Variants in CD6 observed in about 807,000 individuals in gnomAD.
CD6 encodes the protein T-cell differentiation antigen CD6.
CD6 carries 53 observed loss-of-function variants against 75.3 expected under a neutral mutation model. The ratio of observed to expected loss-of-function variants is 0.70; its 90% CI spans 0.56 to 0.88. The LOEUF (loss-of-function observed/expected upper bound fraction) is 0.88. Among genes scored for constraint, CD6 ranks in the 40% least tolerant of loss-of-function variants. The pLI is 0.00. For missense variants in CD6, 770 were observed against 897.1 expected (o/e 0.86, Z 1.81); for synonymous variants, 359 against 381.5 (o/e 0.94, Z 0.69).
intron 5 of CD6, 25 bp downstream of exon 5, chr11:61,009,899 CA>C: frequency 3.3e-6 from 5 of 1,520,716 alleles, no homozygotes; most frequent in Non-Finnish European, 4.4e-6. Flanking sequence ...TCCACCCCCC[CA>C]GATTTGAGCC....
chr11:61,016,147 G>T (rs540100555), intron 9 of CD6, among the ~76,000 whole-genome samples: 1 of 152,334 alleles, frequency 6.6e-6, no homozygotes, highest in African/African-American at 2.4e-5. Flanking sequence ...CTGTGTGAGA[G>T]CGGGGGAGTG....
intron 1 of CD6, chr11:60,989,447 C>T (rs1857969678): frequency 6.6e-6 from 1 of 152,466 alleles, no homozygotes. Context: ...ACTCACCAGC[C>T]CCACCACTTG....
Position 61,013,900 on chromosome 11 carries a change from T to G in CD6, c.1292-19T>G. 6.4e-7 allele frequency: 1 copy of G among 1,566,292 alleles called. No homozygotes were observed. Among genetic ancestry groups the G allele is most frequent in the Non-Finnish European group, 8.7e-7 (1 of 1,150,710 alleles). On this transcript the variant is annotated intron_variant, in intron 7 of 12. Coordinates refer to ENST00000313421, the MANE Select transcript of CD6 (RefSeq NM_006725.5). ...GGGCAAAAAAATGACTTGTAGAATTTCTGCCTCCCCTCCCTCAGCCCTCCC... is the reference window on the plus strand; with the variant it reads ...GGGCAAAAAAATGACTTGTAGAATTGCTGCCTCCCCTCCCTCAGCCCTCCC...
chr11:60,991,619 G>A (rs1394748907), intron 1 of CD6, among the ~76,000 whole-genome samples: 2 of 151,834 alleles, frequency 1.3e-5, no homozygotes, highest in Admixed American at 6.6e-5. Context: ...ATTTGCCATG[G>A]GCCAGGTATT....
At chr11:60,991,419 C>G (rs1419006687) in intron 1 of CD6, among the ~76,000 whole-genome samples, 1 of 152,094 alleles carries the variant, frequency 6.6e-6, no homozygotes, top group Non-Finnish European at 1.5e-5. Flanking sequence ...TCCCAAAGTG[C>G]TGTGATTACA....
Position 61,007,692 on chromosome 11 carries a change from G to T in CD6, c.251G>T (p.Arg84Leu). The part of the protein sequence containing the change: ...WDSRAAEAVC[R>L]ALGCGGAEAA... ...AGCCGCGCCGCCGAGGCCGTGTGCC[G>T]AGCACTGGGCTGCGGCGGGGCGGAG... The change falls in exon 3 of 13, where the codon CGA becomes CTA. Residue 84 changes from arginine (R) to leucine (L), a missense_variant. Arg to Leu is a moderately radical substitution (Grantham distance 102, BLOSUM62 -2). Coordinates refer to ENST00000313421, the MANE Select transcript of CD6 (RefSeq NM_006725.5). This position sits in a 1 kb window ranked among gnomAD's most constrained non-coding sequence, Gnocchi z 4.2. 7.1e-7 allele frequency: 1 copy of T among 1,413,942 alleles called. No homozygotes were observed. Among genetic ancestry groups the T allele is most frequent in the Non-Finnish European group, 9.2e-7 (1 of 1,084,362 alleles). 87.6% of individuals were successfully genotyped at this position (1,413,942 alleles called of 1,614,324 possible).
At chr11:61,003,597 C>T (rs772278108) in intron 1 of CD6, among the ~76,000 whole-genome samples, 4 of 152,022 alleles carry the variant, frequency 2.6e-5, no homozygotes, top group Admixed American at 6.6e-5. Context: ...TAGCCAGCAT[C>T]GTGGCAAGCG....
At chr11:60,978,419 C>T (rs1180413493) in intron 1 of CD6, among the ~76,000 whole-genome samples, 1 of 152,108 alleles carries the variant, frequency 6.6e-6, no homozygotes, top group Non-Finnish European at 1.5e-5. Flanking sequence ...GAATCTAGGC[C>T]CCTGCAGCCT....
At chr11:60,987,360 C>T (rs939635758) in intron 1 of CD6, among the ~76,000 whole-genome samples, 1 of 152,210 alleles carries the variant, frequency 6.6e-6, no homozygotes, top group African/African-American at 2.4e-5. Flanking sequence ...TCTGTGAGGA[C>T]AACAGTCATA....
chr11:61,013,230 T>C (rs1168258065), intron 6 of CD6, among the ~76,000 whole-genome samples, 193 bp from the exon 7 acceptor site: 1 of 152,206 alleles, frequency 6.6e-6, no homozygotes, highest in Non-Finnish European at 1.5e-5. Context: ...CAATTGCTCA[T>C]GCATTCAATA....
chr11:60,980,705 T>TG (rs1164216687), intron 1 of CD6, among the ~76,000 whole-genome samples: 2 of 151,646 alleles, frequency 1.3e-5, no homozygotes, highest in African/African-American at 2.4e-5. Context: ...GTTCGGGGGA[T>TG]GGGGGGCACC....
In CD6 at chr11:61,013,951, C is replaced by T. The variant is rs747958938; in HGVS notation, c.1324C>T (p.Pro442Ser). The T allele has an allele frequency of 6.2e-7, 1 of 1,613,580 alleles. No homozygotes were observed. Among genetic ancestry groups the T allele is most frequent in the Non-Finnish European group, 8.5e-7 (1 of 1,179,792 alleles). Reference protein sequence around the residue: ...LPVMVNHQHLPTTIPAGSNSY... With the variant: ...LPVMVNHQHLSTTIPAGSNSY... ...CGTAATGGTGAACCACCAGCACCTACCCACCACCATCCCGGCAGGGAGCAA... is the reference window on the plus strand; with the variant it reads ...CGTAATGGTGAACCACCAGCACCTATCCACCACCATCCCGGCAGGGAGCAA... Residue 442 changes from proline to serine, a missense_variant, in exon 8 of 13, where the codon CCC becomes TCC. Physicochemically the swap from Pro to Ser is moderately conservative, Grantham distance 74 (BLOSUM62 -1). Coordinates refer to ENST00000313421, the MANE Select transcript of CD6 (RefSeq NM_006725.5).
chr11:61,007,890 G>T lies in CD6; in HGVS notation c.449G>T (p.Arg150Leu), dbSNP rs1370260158. 4 of 1,370,784 alleles carry T rather than the reference G, an allele frequency of 2.9e-6. No individual in the cohort carries two copies. Among genetic ancestry groups the T allele is most frequent in the Non-Finnish European group, 2.8e-6 (3 of 1,067,208 alleles). The allele number at this position is 1,370,784 out of a possible 1,614,324, so 84.9% of individuals were successfully genotyped here. A position where few individuals can be genotyped will look rare whatever the true frequency, so the allele number is the denominator to read the frequency against. The change falls in exon 3 of 13, where the codon CGG (arginine) becomes CTG (leucine). Residue 150 changes from arginine to leucine, a missense_variant. Coordinates refer to ENST00000313421, the MANE Select transcript of CD6 (RefSeq NM_006725.5). This position sits in a 1 kb window ranked among gnomAD's most constrained non-coding sequence, Gnocchi z 4.2. Reference sequence around the variant, plus strand: ...CACGCGTGCCGCAGCGACGGGAGGCGGGCCCGTGTCACCTGTGCAGGTACG... The same window carrying T: ...CACGCGTGCCGCAGCGACGGGAGGCTGGCCCGTGTCACCTGTGCAGGTACG... Reference protein sequence around the residue: ...VEHACRSDGRRARVTCAENRA... With the variant: ...VEHACRSDGRLARVTCAENRA...
At chr11:60,975,783 G>A (rs180971719) in intron 1 of CD6, among the ~76,000 whole-genome samples, 84 of 152,318 alleles carry the variant, frequency 5.5e-4, no homozygotes, top group African/African-American at 1.9e-3. Context: ...CAGTCTGGGC[G>A]ATGAAGGAGA....
intron 1 of CD6, among the ~76,000 whole-genome samples, chr11:61,000,980 G>A (rs576456937): frequency 3.9e-5 from 6 of 152,062 alleles, no homozygotes; most frequent in South Asian, 2.1e-4. Flanking sequence ...GAAACCAGCC[G>A]CTCCCCTCCA....
In CD6 at chr11:61,019,296, A is replaced by G; in HGVS notation, c.1985A>G (p.Tyr662Cys). The G allele has an allele frequency of 6.2e-7, 1 of 1,610,358 alleles. No homozygotes were observed. The highest frequency in any genetic ancestry group is 8.5e-7 in the Non-Finnish European group (1 of 1,179,820). ...CCTGACTCCACCGACAACGATGACT[A>G]CGATGACATCAGCGCAGCCTAGGCC... ...PQPDSTDNDD[Y>C]DDISAA Residue 662 changes from tyrosine (Y) to cysteine (C), a missense_variant, in exon 13 of 13, where the codon TAC (tyrosine) becomes TGC (cysteine). Tyr to Cys is a radical substitution (Grantham distance 194). Coordinates refer to ENST00000313421, the MANE Select transcript of CD6 (RefSeq NM_006725.5).
intron 2 of CD6, 150 bp downstream of exon 2, chr11:61,006,792 C>T (rs999554226): frequency 4.5e-6 from 3 of 669,716 alleles, no homozygotes. Context: ...TGAAGTTCCA[C>T]TATCAATTCA....
intron 1 of CD6, among the ~76,000 whole-genome samples, chr11:60,973,752 G>A (rs887637341): frequency 2.0e-5 from 3 of 152,152 alleles, no homozygotes; most frequent in Admixed American, 1.3e-4. Flanking sequence ...AAAACACCGT[G>A]GGCAGGGAAT....
At chr11:60,993,499 G>A (rs929230) in intron 1 of CD6, among the ~76,000 whole-genome samples, 23,764 of 151,452 alleles carry the variant, frequency 0.16, 2,605 homozygotes, top group Middle Eastern at 0.3. Context: ...CATATACCGC[G>A]TCCTAAGCGT....
Sources: allele counts gnomAD v4.1 joint callset (sites outside exome capture counted in the v4.1 genomes callset), GRCh38; gene constraint gnomAD v4.1.1; non-coding constraint Gnocchi (gnomAD v3.1); transcripts MANE v1.5; gene names NCBI Gene and HGNC (gene_info 2026-07-23, HGNC 2026-07-21).